ITSN2: variants seen among roughly 807,000 people sequenced by gnomAD.
ITSN2 encodes intersectin-2.
Under a neutral mutation model 243.7 loss-of-function variants are expected in ITSN2, and 156 were observed. The ratio of observed to expected loss-of-function variants is 0.64; its 90% CI spans 0.56 to 0.73. ITSN2 has a LOEUF of 0.73. ITSN2 is among the 30% of genes least tolerant of loss of function. The pLI is 0.00. For synonymous variants in ITSN2, 703 were observed against 699.9 expected (o/e 1.00, Z -0.07); for missense variants, 1,801 against 1,996.1 (o/e 0.90, Z 1.86).
At chr2:24,315,955 C>A (rs1490107758) in intron 2 of ITSN2, among the ~76,000 whole-genome samples, 1 of 152,162 alleles carries the variant, frequency 6.6e-6, no homozygotes, top group African/African-American at 2.4e-5. Context: ...GATACCAAAA[C>A]AGCTGTGCCA....
chr2:24,268,750 C>T (rs1175947473), intron 20 of ITSN2, among the ~76,000 whole-genome samples: 2 of 150,914 alleles, frequency 1.3e-5, no homozygotes, highest in Non-Finnish European at 3.0e-5. Context: ...CAAGCTTCAG[C>T]CAACTTTAAA....
chr2:24,227,155 G>A (rs375439521), intron 29 of ITSN2, among the ~76,000 whole-genome samples: 1 of 151,798 alleles, frequency 6.6e-6, no homozygotes, highest in Admixed American at 6.6e-5. Flanking sequence ...CACAAAAATT[G>A]GTCACTAGCT....
intron 36 of ITSN2, 79 bp downstream of exon 36, chr2:24,209,021 G>T: frequency 6.6e-7 from 1 of 1,523,854 alleles, no homozygotes; most frequent in Non-Finnish European, 9.1e-7. Flanking sequence ...AAGCACGGCT[G>T]GAGATGGGTT....
rs1668745923 is a variant in ITSN2 at position 24,205,225 on chromosome 2, CAGG to C, written c.4748_4750del (p.Ala1583_Cys1584delinsGly). 2 of 1,613,744 alleles carry C rather than the reference CAGG, an allele frequency of 1.2e-6. No individual in the cohort carries two copies. Among genetic ancestry groups the C allele is most frequent in the Middle Eastern group, 1.7e-4 (1 of 6,060 alleles). On this transcript the variant is annotated inframe_deletion, in exon 38 of 40. Coordinates refer to ENST00000355123, the MANE Select transcript of ITSN2 (RefSeq NM_006277.3). ...AAGGCAGTATTTACCATTTGGTTTG[CAGG>C]CTTTTAATTCTGTAGCTTCAATGAC...
intron 37 of ITSN2, among the ~76,000 whole-genome samples, chr2:24,206,440 GC>G: frequency 6.6e-6 from 1 of 151,444 alleles, no homozygotes; most frequent in East Asian, 2.0e-4. Flanking sequence ...CAGAGCACAG[GC>G]CCCCTGTGGG....
chr2:24,242,861 A>T (rs1672894840), intron 29 of ITSN2, among the ~76,000 whole-genome samples: 1 of 152,170 alleles, frequency 6.6e-6, no homozygotes, highest in Non-Finnish European at 1.5e-5. Context: ...TTTAGATCTG[A>T]TTAAACTAAA....
Position 24,307,881 on chromosome 2 carries a change from A to C in ITSN2, c.793+736T>G, listed in dbSNP as rs563028281. Among the ~76,000 whole-genome samples the C allele has an allele frequency of 1.9e-3, 290 of 152,338 alleles. 2 individuals are homozygous for C. Among genetic ancestry groups the C allele is most frequent in the African/African-American group, 6.9e-3 (288 of 41,576 alleles). On this transcript the variant is annotated intron_variant, in intron 8 of 39. Coordinates refer to ENST00000355123, the MANE Select transcript of ITSN2 (RefSeq NM_006277.3). ...AAATCCTAACTTTTTCATGGAGCTTAAATGCTCCCTTCCTAAAAGATACCT... is the reference window on the plus strand; with the variant it reads ...AAATCCTAACTTTTTCATGGAGCTTCAATGCTCCCTTCCTAAAAGATACCT...
At chr2:24,203,987 C>T (rs572050200) in intron 39 of ITSN2, 1 of 641,160 alleles carries the variant, frequency 1.6e-6, no homozygotes, top group Non-Finnish European at 2.7e-6. Flanking sequence ...GAATTCAAAT[C>T]TCCATTCTGA....
chr2:24,330,663 G>A (rs1685678881), intron 1 of ITSN2: 1 of 726,230 alleles, frequency 1.4e-6, no homozygotes, highest in African/African-American at 1.7e-5. Flanking sequence ...AAGTGCTGGA[G>A]ATGCCAAGTG....
Position 24,246,336 on chromosome 2 carries a change from C to T in ITSN2, c.3386-16G>A. On this transcript the variant is annotated splice_polypyrimidine_tract_variant and intron_variant, in intron 28 of 39. Transcript: ENST00000355123. ...ACCTGACATACTATCACAAGAATAACAAAATAACACATTAAACAAATTAAT... is the reference window on the plus strand; with the variant it reads ...ACCTGACATACTATCACAAGAATAATAAAATAACACATTAAACAAATTAAT... 1.3e-6 allele frequency: 2 copies of T among 1,491,712 alleles called. No homozygotes were observed. Among genetic ancestry groups the T allele is most frequent in the Non-Finnish European group, 1.9e-6 (2 of 1,079,032 alleles). 92.4% of individuals were successfully genotyped at this position (1,491,712 alleles called of 1,614,324 possible).
Position 24,261,173 on chromosome 2 carries a change from G to A in ITSN2, c.2615C>T (p.Ser872Leu), listed in dbSNP as rs773591277. Reference protein sequence around the residue: ...VSFSNLTVNTSWQKKSAFTRT... With the variant: ...VSFSNLTVNTLWQKKSAFTRT... ...AGTGAAGGCTGATTTTTTCTGCCATGATGTATTTACAGTTAGGTTTGAAAA... is the reference window on the plus strand; with the variant it reads ...AGTGAAGGCTGATTTTTTCTGCCATAATGTATTTACAGTTAGGTTTGAAAA... Residue 872 changes from serine (S) to leucine (L), a missense_variant, in exon 22 of 40, where the codon TCA becomes TTA. Transcript: ENST00000355123. 1 of 1,613,146 alleles carries A rather than the reference G, an allele frequency of 6.2e-7. No homozygotes were observed. Among genetic ancestry groups the A allele is most frequent in the South Asian group, 1.1e-5 (1 of 91,054 alleles).
intron 2 of ITSN2, among the ~76,000 whole-genome samples, chr2:24,324,853 C>CA (rs10554094): frequency 6.7e-5 from 4 of 59,310 alleles, no homozygotes; most frequent in South Asian, 7.2e-4. Context: ...GACCCTGTCT[C>CA]AAAAAAAAAA....
chr2:24,269,085 A>C (rs1677035369), intron 20 of ITSN2, among the ~76,000 whole-genome samples: 1 of 148,054 alleles, frequency 6.8e-6, no homozygotes, highest in Admixed American at 6.7e-5. Flanking sequence ...ACTACTAGTC[A>C]CTCCTTTTAA....
intron 24 of ITSN2, among the ~76,000 whole-genome samples, chr2:24,252,790 A>G (rs921756536): frequency 2.6e-5 from 4 of 152,190 alleles, no homozygotes; most frequent in African/African-American, 9.7e-5. Flanking sequence ...AAAACTACAA[A>G]CAGATAATAG....
In ITSN2 at chr2:24,240,068, G is replaced by A. The variant is rs532358922; in HGVS notation, c.3577+6061C>T. 5 of 152,074 alleles carry A rather than the reference G, an allele frequency of 3.3e-5. No homozygotes were observed. The East Asian group carries it at 7.7e-4, about 23-fold the overall frequency. 9.4% of individuals were successfully genotyped at this position (152,074 alleles called of 1,614,324 possible). ...GAAGTGATTTGAACTATAAAAATAC[G>A]TTTGAAATAATTCATCAATGTATTA... is the stretch of plus-strand genomic sequence containing the variant. On this transcript the variant is annotated intron_variant, in intron 29 of 39. Coordinates refer to ENST00000355123, the MANE Select transcript of ITSN2 (RefSeq NM_006277.3).
At chr2:24,326,646 G>A (rs1411855432) in intron 2 of ITSN2, 1 of 168,952 alleles carries the variant, frequency 5.9e-6, no homozygotes, top group African/African-American at 2.4e-5. Context: ...TTTCCCAATA[G>A]GAGCAATACT....
In ITSN2 at chr2:24,271,871, G is replaced by A. The variant is rs1254470703; in HGVS notation, c.2152C>T (p.Arg718Ter). The part of the protein sequence containing the change: ...LRKEEEEKQK[R>*]LQEEKTQEKI... Reference sequence around the variant, plus strand: ...TCTTGTGTTTTTTCTTCCTGGAGTCGCTTTTGTTTTTCTTCTTCCTCCTTT... The same window carrying A: ...TCTTGTGTTTTTTCTTCCTGGAGTCACTTTTGTTTTTCTTCTTCCTCCTTT... The change falls in exon 19 of 40, where the codon CGA becomes TGA. Residue 718 changes from arginine (R) to a stop codon, truncating the protein, a stop_gained. Transcript: ENST00000355123. LOFTEE classifies it high-confidence loss of function. 6.2e-7 allele frequency: 1 copy of A among 1,604,600 alleles called. No homozygotes were observed. Among genetic ancestry groups the A allele is most frequent in the Non-Finnish European group, 8.5e-7 (1 of 1,176,496 alleles).
At chr2:24,240,716 A>C (rs1672626441) in intron 29 of ITSN2, 2 of 152,246 alleles carry the variant, frequency 1.3e-5, no homozygotes, top group South Asian at 4.1e-4. Context: ...TAACTTTGTG[A>C]GGAAATATGA....
In ITSN2 at chr2:24,270,739, T is replaced by G. The variant is rs568177519; in HGVS notation, c.2287A>C (p.Arg763=). 52 of 1,597,100 alleles carry G rather than the reference T, an allele frequency of 3.3e-5. No homozygotes were observed. In the Admixed American group the frequency reaches 7.4e-4, roughly 23 times the overall value. The change falls in exon 20 of 40, where the codon AGA becomes CGA. Residue 763 remains arginine (R), a synonymous_variant. Transcript: ENST00000355123. ...RETASVLVNY[R]ALYPFEARNH... is the part of the protein sequence containing the mutation. ...CTTGCTTCAAAGGGGTATAATGCTC[T>G]ATAATTCACCAAAACACTAGCTGTC...
Sources: gnomAD v4.1 joint callset for allele counts (sites outside exome capture counted in the v4.1 genomes callset) on GRCh38, gnomAD v4.1.1 for gene constraint, MANE v1.5 for transcripts, NCBI Gene and HGNC (gene_info 2026-07-23, HGNC 2026-07-21) for gene names.